The following SPATA6L variants were observed in gnomAD, a reference collection of about 807,000 sequenced individuals.
SPATA6L encodes the protein spermatogenesis associated 6 like, also known as spermatogenesis associated 6-like protein.
Under a neutral mutation model 49.2 loss-of-function variants are expected in SPATA6L, and 68 were observed. The observed-to-expected ratio is 1.38, with a 90% CI of 1.14 to 1.69. The LOEUF is 1.69. Ranked by LOEUF, SPATA6L falls within the 40% of genes most tolerant of loss-of-function variation. The pLI is 0.00. For missense variants in SPATA6L, 668 were observed against 464.3 expected (o/e 1.44, Z -4.03); for synonymous variants, 198 against 165.7 (o/e 1.19, Z -1.50).
intron 11 of SPATA6L, among the ~76,000 whole-genome samples, 188 bp downstream of exon 11, chr9:4,603,991 G>A (rs1206615090): frequency 6.6e-6 from 1 of 152,200 alleles, no homozygotes; most frequent in Admixed American, 6.5e-5. Context: ...GGAAGCAAGA[G>A]AGCTGGAAGG....
Position 4,622,540 on chromosome 9 carries a change from A to C in SPATA6L, c.670-30T>G, listed in dbSNP as rs140799519. 2.6e-4 allele frequency: 384 copies of C among 1,463,504 alleles called. 2 individuals carry two copies. In the East Asian group the frequency reaches 8.2e-3, roughly 31 times the overall value. 90.7% of individuals were successfully genotyped at this position (1,463,504 alleles called of 1,614,324 possible). On this transcript the variant is annotated intron_variant, in intron 6 of 11. Coordinates refer to ENST00000682582, the MANE Select transcript of SPATA6L (RefSeq NM_001353486.2). ...AAGTAAAGGAAAGAAATAAGACTAG[A>C]ATCCACTATAGCTTCTAGTACCCTC...
At chr9:4,606,372 T>C (rs1354310768) in intron 9 of SPATA6L, among the ~76,000 whole-genome samples, 3 of 130,876 alleles carry the variant, frequency 2.3e-5, no homozygotes, top group Non-Finnish European at 3.2e-5. Context: ...AAGACAGCAG[T>C]AACCTCTGCA....
At chr9:4,648,965 T>C (rs993695736) in intron 3 of SPATA6L, among the ~76,000 whole-genome samples, 2 of 152,134 alleles carry the variant, frequency 1.3e-5, no homozygotes, top group African/African-American at 2.4e-5. Flanking sequence ...CTTAGAATAA[T>C]AGTCTCCAAT....
At chr9:4,636,318 T>C (rs1832799952) in intron 3 of SPATA6L, among the ~76,000 whole-genome samples, 3 of 152,216 alleles carry the variant, frequency 2.0e-5, no homozygotes, top group Admixed American at 2.0e-4. Flanking sequence ...TTTTCCTTTA[T>C]ATTACAATCA....
intron 5 of SPATA6L, chr9:4,627,983 T>A: frequency 2.6e-6 from 1 of 387,418 alleles, no homozygotes. Context: ...TTATATCAAG[T>A]GAAATAAGCC....
chr9:4,629,204 T>A, intron 4 of SPATA6L, 36 bp from the exon 5 acceptor site: 2 of 1,441,452 alleles, frequency 1.4e-6, no homozygotes, highest in Non-Finnish European at 1.9e-6. Flanking sequence ...ATAAAATTAC[T>A]AGAAACAGTT....
chr9:4,643,552 C>T (rs1451586585), intron 3 of SPATA6L, among the ~76,000 whole-genome samples: 2 of 151,988 alleles, frequency 1.3e-5, no homozygotes, highest in Non-Finnish European at 2.9e-5. Flanking sequence ...ATGGATAACA[C>T]CACCACTATG....
chr9:4,664,811 G>C (rs562556271), intron 1 of SPATA6L: 12 of 167,224 alleles, frequency 7.2e-5, no homozygotes, highest in African/African-American at 2.2e-4. Flanking sequence ...GAGGGGCATA[G>C]TGAAAAAGGA....
At chr9:4,589,140 T>G (rs1006575142) in intron 13 of SPATA6L, among the ~76,000 whole-genome samples, 3 of 152,230 alleles carry the variant, frequency 2.0e-5, no homozygotes, top group Non-Finnish European at 4.4e-5. Context: ...ACCGAAACCT[T>G]GGTTTCCTCT....
chr9:4,640,765 A>G (rs552318689), intron 3 of SPATA6L, among the ~76,000 whole-genome samples: 1 of 152,304 alleles, frequency 6.6e-6, no homozygotes, highest in African/African-American at 2.4e-5. Context: ...AGTAAAATCA[A>G]TTGTTATTTT....
chr9:4,637,200 G>A (rs1225723424), intron 3 of SPATA6L, among the ~76,000 whole-genome samples: 2 of 151,868 alleles, frequency 1.3e-5, no homozygotes, highest in Non-Finnish European at 2.9e-5. Context: ...CCTCAAACAC[G>A]CCAAGCTCTC....
intron 2 of SPATA6L, among the ~76,000 whole-genome samples, chr9:4,656,490 A>T (rs1371900516): frequency 7.1e-6 from 1 of 141,404 alleles, no homozygotes; most frequent in East Asian, 2.0e-4. Flanking sequence ...GGAAGGAAGG[A>T]AGGAAGGAAG....
At chr9:4,592,420 T>A (rs1314227550) in intron 13 of SPATA6L, among the ~76,000 whole-genome samples, 2 of 152,146 alleles carry the variant, frequency 1.3e-5, no homozygotes, top group African/African-American at 4.8e-5. Flanking sequence ...CACTTAAATA[T>A]GAACTCATTT....
At chr9:4,607,986 G>A (rs1825731269) in intron 9 of SPATA6L, among the ~76,000 whole-genome samples, 1 of 151,714 alleles carries the variant, frequency 6.6e-6, no homozygotes, top group Non-Finnish European at 1.5e-5. Flanking sequence ...AAAGGCAGGG[G>A]TTGCAATCCT....
chr9:4,599,159 G>C lies in SPATA6L; in HGVS notation c.*1652C>G, dbSNP rs180935023. On this transcript the variant is annotated 3_prime_UTR_variant, in exon 12 of 12. Coordinates refer to ENST00000682582, the MANE Select transcript of SPATA6L (RefSeq NM_001353486.2). ...AATTTGGAGCATGAAACAAAGTTTC[G>C]AATGCATTTGACTGCACCCTGCCAC... Among the ~76,000 whole-genome samples the C allele has an allele frequency of 6.6e-6, 1 of 152,116 alleles. No homozygotes were observed. Among genetic ancestry groups the C allele is most frequent in the Admixed American group, 6.5e-5 (1 of 15,274 alleles).
chr9:4,640,480 T>C (rs1198491756), intron 3 of SPATA6L, among the ~76,000 whole-genome samples: 2 of 151,984 alleles, frequency 1.3e-5, no homozygotes, highest in East Asian at 3.8e-4. Context: ...AATGAAAAGG[T>C]AACAATTCAG....
chr9:4,658,481 G>A (rs1045646091), intron 2 of SPATA6L, among the ~76,000 whole-genome samples: 47 of 152,302 alleles, frequency 3.1e-4, no homozygotes, highest in African/African-American at 1.1e-3. Context: ...ACTCATGCAA[G>A]AGGACAATTA....
intron 3 of SPATA6L, among the ~76,000 whole-genome samples, chr9:4,638,347 G>T (rs1428627594): frequency 6.6e-6 from 1 of 152,094 alleles, no homozygotes; most frequent in African/African-American, 2.4e-5. Context: ...AAGCAGCTGG[G>T]ACTAGAGGCA....
intron 11 of SPATA6L, among the ~76,000 whole-genome samples, chr9:4,602,635 T>C (rs146706852): frequency 6.0e-5 from 9 of 150,654 alleles, no homozygotes; most frequent in Non-Finnish European, 1.2e-4. Flanking sequence ...GACAAAGCTA[T>C]AGGATCCTAG....
Sources: allele counts gnomAD v4.1 joint callset (sites outside exome capture counted in the v4.1 genomes callset), GRCh38; gene constraint gnomAD v4.1.1; transcripts MANE v1.5; gene names NCBI Gene and HGNC (gene_info 2026-07-23, HGNC 2026-07-21).